Variants in ZFYVE16 observed in about 807,000 individuals in gnomAD.
ZFYVE16 encodes the protein zinc finger FYVE domain-containing protein 16.
Under a neutral mutation model 138.1 loss-of-function variants are expected in ZFYVE16, and 89 were observed. The ratio of observed to expected loss-of-function variants is 0.64; its 90% CI spans 0.54 to 0.77. The LOEUF (loss-of-function observed/expected upper bound fraction) is 0.77, where lower values mean the gene tolerates loss of function less well. Among genes scored for constraint, ZFYVE16 ranks in the 30% least tolerant of loss-of-function variants. The probability of loss-of-function intolerance (pLI) is 0.00; values close to 1 mark genes in which losing one functional copy is unlikely to be tolerated. For missense variants in ZFYVE16, 1,793 were observed against 1,786.7 expected (o/e 1.00, Z -0.06); for synonymous variants, 596 against 618.3 (o/e 0.96, Z 0.53).
At chr5:80,432,473 T>C (rs6895032) in intron 2 of ZFYVE16, among the ~76,000 whole-genome samples, 133,104 of 152,150 alleles carry the variant, frequency 0.87, 58,955 homozygotes, top group Non-Finnish European at 0.94. Context: ...GACCTAAAAC[T>C]ATAAAAACCC....
At chr5:80,473,687 A>T in intron 16 of ZFYVE16, 67 bp from the exon 17 acceptor site, 2 of 1,160,432 alleles carry the variant, frequency 1.7e-6, no homozygotes, top group Non-Finnish European at 2.4e-6. Context: ...ATTTGTTCAA[A>T]TCTAATAATT....
In ZFYVE16 at chr5:80,438,464, T is replaced by C. The variant is rs1208588527; in HGVS notation, c.1779T>C (p.Asn593=). ...CTATTGGGGAAAGTCATGGTATTAA[T>C]ATAATTTGTGAAATAGTTGATAAAC... ...AGAIGESHGI[N]IICEIVDKQN... is the part of the protein sequence containing the mutation. The change falls in exon 4 of 19, where the codon AAT becomes AAC. Residue 593 remains asparagine, a synonymous_variant. Transcript: ENST00000505560. The C allele has an allele frequency of 1.2e-6, 2 of 1,613,776 alleles. No individual in the cohort carries two copies. Among genetic ancestry groups the C allele is most frequent in the African/African-American group, 1.3e-5 (1 of 75,000 alleles).
At chr5:80,454,612 T>C (rs1290850762) in intron 11 of ZFYVE16, 1 of 152,102 alleles carries the variant, frequency 6.6e-6, no homozygotes, top group Admixed American at 6.6e-5. Context: ...GTTCACGCCA[T>C]TCTCCTGCCT....
Position 80,477,294 on chromosome 5 carries a change from C to T in ZFYVE16, c.4537C>T (p.Pro1513Ser). Residue 1513 changes from proline (P) to serine (S), a missense_variant, in exon 19 of 19, where the codon CCT (proline) becomes TCT (serine). Pro to Ser is a moderately conservative substitution (Grantham distance 74). Coordinates refer to ENST00000505560, the MANE Select transcript of ZFYVE16 (RefSeq NM_001284236.3). The part of the protein sequence containing the change: ...YLNDLDSALI[P>S]VIHGGTSNSS... ...AAATGATCTTGATAGTGCTCTGATACCTGTGATCCATGGTGGGACCTCCAA... is the reference window on the plus strand; with the variant it reads ...AAATGATCTTGATAGTGCTCTGATATCTGTGATCCATGGTGGGACCTCCAA... The T allele has an allele frequency of 1.2e-6, 2 of 1,610,038 alleles. No homozygotes were observed. The highest frequency in any genetic ancestry group is 1.7e-6 in the Non-Finnish European group (2 of 1,178,748).
chr5:80,442,349 C>G (rs1750803494), intron 5 of ZFYVE16, among the ~76,000 whole-genome samples: 1 of 152,214 alleles, frequency 6.6e-6, no homozygotes, highest in African/African-American at 2.4e-5. Flanking sequence ...CTTAAACGAT[C>G]TGCCTGCTTT....
intron 15 of ZFYVE16, among the ~76,000 whole-genome samples, chr5:80,460,753 TGTTTTA>T (rs912862326): frequency 2.0e-5 from 3 of 152,216 alleles, no homozygotes; most frequent in African/African-American, 7.2e-5. Context: ...GCTTTTGTTT[TGTTTTA>T]GTCAGTTTGC....
rs186519602 is a variant in ZFYVE16, at chr5:80,473,819, C to T, written c.4253C>T (p.Ala1418Val). The T allele has an allele frequency of 3.1e-6, 5 of 1,613,222 alleles. No individual in the cohort carries two copies. Among genetic ancestry groups the T allele is most frequent in the East Asian group, 2.2e-5 (1 of 44,756 alleles). The change falls in exon 17 of 19, where the codon GCA becomes GTA. Residue 1418 changes from alanine (A) to valine (V), a missense_variant. Ala to Val is a moderately conservative substitution (Grantham distance 64, BLOSUM62 0). This residue lies in a region of ZFYVE16 where 498 missense variants were observed against 582.4 expected (regional missense o/e 0.86). Transcript: ENST00000505560. ...GFPSEKIKLE[A>V]DFETDEKIVK... Reference sequence around the variant, plus strand: ...CCAAGTGAAAAAATAAAACTGGAAGCAGATTTTGAAACCGATGAGAAGATT... The same window carrying T: ...CCAAGTGAAAAAATAAAACTGGAAGTAGATTTTGAAACCGATGAGAAGATT...
chr5:80,440,165 C>T, intron 5 of ZFYVE16, 133 bp downstream of exon 5: 2 of 1,291,088 alleles, frequency 1.5e-6, no homozygotes, highest in South Asian at 4.9e-5. Context: ...TTAGGTGGGA[C>T]ATCCCAAGGC....
chr5:80,458,941 A>T (rs1040044878), intron 14 of ZFYVE16, among the ~76,000 whole-genome samples: 5 of 152,194 alleles, frequency 3.3e-5, no homozygotes, highest in African/African-American at 1.2e-4. Context: ...TTTATTATTT[A>T]CTTATTTGAG....
chr5:80,436,694 A>C, intron 3 of ZFYVE16, 62 bp from the exon 4 acceptor site: 1 of 1,401,818 alleles, frequency 7.1e-7, no homozygotes, highest in Non-Finnish European at 9.7e-7. Context: ...TGGGAAACAT[A>C]ATATGTTTAA....
intron 2 of ZFYVE16, 88 bp from the exon 3 acceptor site, chr5:80,434,021 T>G: frequency 5.7e-6 from 5 of 876,692 alleles, no homozygotes; most frequent in African/African-American, 1.7e-5. Flanking sequence ...CTGTGTCAAT[T>G]TCTTGACTGT....
chr5:80,413,178 A>C (rs1348213570), intron 1 of ZFYVE16, among the ~76,000 whole-genome samples: 1 of 140,210 alleles, frequency 7.1e-6, no homozygotes, highest in African/African-American at 2.8e-5. Context: ...CCTGTCTCAA[A>C]AAAGAAGAGA....
intron 1 of ZFYVE16, among the ~76,000 whole-genome samples, chr5:80,412,580 A>G (rs545659275): frequency 2.0e-5 from 3 of 152,228 alleles, no homozygotes; most frequent in Admixed American, 6.5e-5. Flanking sequence ...CTTTTTTTAT[A>G]TCTTTCTTGG....
At chr5:80,455,140 A>C (rs953304848) in intron 11 of ZFYVE16, 1 of 152,860 alleles carries the variant, frequency 6.5e-6, no homozygotes, top group African/African-American at 2.4e-5. Flanking sequence ...AATAGTATAG[A>C]CACACTCCAT....
intron 15 of ZFYVE16, among the ~76,000 whole-genome samples, chr5:80,469,301 T>A (rs528884713): frequency 2.0e-5 from 3 of 152,154 alleles, no homozygotes; most frequent in Admixed American, 6.5e-5. Flanking sequence ...AGACAAGGTC[T>A]CACTATGTTG....
In ZFYVE16 at chr5:80,483,089, A is replaced by C. The variant is rs1449271480; in HGVS notation, c.*5712A>C. ...TCACCATGTTGGTCAGGATGGTCTC[A>C]AACTCCTGACCTCAGGTGATCTGCC... On this transcript the variant is annotated 3_prime_UTR_variant, in exon 19 of 19. Coordinates refer to ENST00000505560, the MANE Select transcript of ZFYVE16 (RefSeq NM_001284236.3). 1 of 152,230 alleles carries C rather than the reference A, an allele frequency of 6.6e-6. No individual in the cohort carries two copies. The highest frequency in any genetic ancestry group is 1.9e-4 in the East Asian group (1 of 5,190). The allele number at this position is 152,230 out of a possible 1,614,324, so 9.4% of individuals were successfully genotyped here. A position where few individuals can be genotyped will look rare whatever the true frequency, so the allele number is the denominator to read the frequency against.
intron 1 of ZFYVE16, among the ~76,000 whole-genome samples, chr5:80,416,754 A>C (rs1255478821): frequency 6.6e-6 from 1 of 151,950 alleles, no homozygotes; most frequent in Non-Finnish European, 1.5e-5. Flanking sequence ...TTCCTGCCCT[A>C]GTTTTAGAAA....
At chr5:80,433,878 A>C (rs1749490872) in intron 2 of ZFYVE16, among the ~76,000 whole-genome samples, 1 of 152,158 alleles carries the variant, frequency 6.6e-6, no homozygotes, top group African/African-American at 2.4e-5. Context: ...GTAAGTGTTT[A>C]AAAATTTACA....
chr5:80,448,180 C>G lies in ZFYVE16; in HGVS notation c.2879C>G (p.Pro960Arg). Reference protein sequence around the residue: ...LSMNTGNEGLPTSGSFTLDDD... With the variant: ...LSMNTGNEGLRTSGSFTLDDD... ...ATGAACACAGGAAATGAGGGGTTAC[C>G]TACTTCTGGTTCATTTACACTAGAT... The change falls in exon 8 of 19, where the codon CCT becomes CGT. Residue 960 changes from proline (P) to arginine (R), a missense_variant. By Grantham distance (103) the Pro-to-Arg change is moderately radical (BLOSUM62 -2). Coordinates refer to ENST00000505560, the MANE Select transcript of ZFYVE16 (RefSeq NM_001284236.3). The G allele has an allele frequency of 6.2e-7, 1 of 1,613,856 alleles. No homozygotes were observed. Among genetic ancestry groups the G allele is most frequent in the Non-Finnish European group, 8.5e-7 (1 of 1,179,918 alleles).
Sources: allele counts gnomAD v4.1 joint callset (sites outside exome capture counted in the v4.1 genomes callset), GRCh38; gene constraint gnomAD v4.1.1; regional missense constraint gnomAD v4.1.1; transcripts MANE v1.5; gene names NCBI Gene and HGNC (gene_info 2026-07-23, HGNC 2026-07-21).